Variants in PKHD1 observed in about 807,000 individuals in gnomAD.
The protein encoded by PKHD1 is fibrocystin.
In PKHD1, 291 loss-of-function variants were observed where a neutral mutation model predicts 412.0. That is an observed-to-expected ratio of 0.71 (90% CI 0.64 to 0.78). PKHD1 has a LOEUF of 0.78. Ranked by LOEUF, PKHD1 falls within the 30% of genes least tolerant of loss-of-function variation. The pLI is 0.00. For synonymous variants in PKHD1, 1,777 were observed against 1,821.5 expected (o/e 0.98, Z 0.62); for missense variants, 4,825 against 4,950.7 (o/e 0.97, Z 0.76).
chr6:52,060,458 A>G (rs1048498668), intron 14 of PKHD1, among the ~76,000 whole-genome samples: 9 of 152,188 alleles, frequency 5.9e-5, no homozygotes, highest in African/African-American at 2.2e-4. Context: ...CTACCTCAAC[A>G]CCTGCAGAGA....
chr6:51,954,182 C>T (rs143145153), intron 36 of PKHD1, among the ~76,000 whole-genome samples: 3 of 152,206 alleles, frequency 2.0e-5, no homozygotes, highest in African/African-American at 7.2e-5. Context: ...AGGCTGTGTG[C>T]TAATGGCTTT....
At chr6:51,620,343 T>C (rs1466575075) in intron 66 of PKHD1, among the ~76,000 whole-genome samples, 1 of 152,154 alleles carries the variant, frequency 6.6e-6, no homozygotes, top group Non-Finnish European at 1.5e-5. Flanking sequence ...CTAGGCACCA[T>C]ATAATACTGT....
intron 36 of PKHD1, among the ~76,000 whole-genome samples, chr6:51,954,842 C>T (rs780678184): frequency 6.6e-6 from 1 of 151,974 alleles, no homozygotes; most frequent in Non-Finnish European, 1.5e-5. Flanking sequence ...ATTATCGTTA[C>T]ACTACTTCAC....
At chr6:52,055,449 A>G in intron 19 of PKHD1, 138 bp downstream of exon 19, 1 of 906,424 alleles carries the variant, frequency 1.1e-6, no homozygotes. Context: ...CAGTCGAGAG[A>G]CCTAGAACCT....
intron 60 of PKHD1, among the ~76,000 whole-genome samples, chr6:51,660,914 T>G (rs2150424535): frequency 6.6e-6 from 1 of 152,174 alleles, no homozygotes; most frequent in Non-Finnish European, 1.5e-5. Flanking sequence ...CTCTCTCCCT[T>G]CCCCTGAAAT....
chr6:51,841,568 T>C (rs987209931), intron 50 of PKHD1, among the ~76,000 whole-genome samples: 2 of 152,348 alleles, frequency 1.3e-5, no homozygotes, highest in African/African-American at 2.4e-5. Context: ...CTCTACATAC[T>C]GGTAAAAATC....
At chr6:51,630,240 C>T (rs1038444670) in intron 65 of PKHD1, among the ~76,000 whole-genome samples, 17 of 152,256 alleles carry the variant, frequency 1.1e-4, no homozygotes, top group African/African-American at 4.1e-4. Flanking sequence ...CCACTATTAT[C>T]TGTAAAGGCT....
At chr6:51,731,699 G>A (rs548076955) in intron 60 of PKHD1, among the ~76,000 whole-genome samples, 140 of 152,148 alleles carry the variant, frequency 9.2e-4, no homozygotes, top group Non-Finnish European at 1.6e-3. Flanking sequence ...TCTACTACAT[G>A]GCTTAAAAAA....
At chr6:51,913,016 A>T (rs553088295) in intron 37 of PKHD1, among the ~76,000 whole-genome samples, 1 of 152,208 alleles carries the variant, frequency 6.6e-6, no homozygotes, top group South Asian at 2.1e-4. Flanking sequence ...TCTATGAAAC[A>T]TCTAGCTTGG....
At chr6:52,033,924 T>C (rs1803495305) in intron 28 of PKHD1, among the ~76,000 whole-genome samples, 1 of 151,952 alleles carries the variant, frequency 6.6e-6, no homozygotes. Flanking sequence ...AGATCAGGAA[T>C]TTGAGACCAA....
intron 60 of PKHD1, among the ~76,000 whole-genome samples, chr6:51,699,880 A>C (rs895334366): frequency 1.4e-5 from 2 of 145,880 alleles, no homozygotes; most frequent in African/African-American, 4.9e-5. Context: ...TGGGAATAGT[A>C]TTAAATAGAA....
In PKHD1 at chr6:52,025,936, T is replaced by A. The variant is rs1581812675; in HGVS notation, c.3874A>T (p.Thr1292Ser). ...PSPSLVGKGF[T>S]FMYEAAATPV... ...GTTGCTGCCGCTTCATACATGAAGG[T>A]GAAGCCTTTCCCCACCAAGCTTGGT... The change falls in exon 32 of 67, where the codon ACC (threonine) becomes TCC (serine). Residue 1292 changes from threonine (T) to serine (S), a missense_variant. Transcript: ENST00000371117. The A allele has an allele frequency of 6.2e-7, 1 of 1,614,134 alleles. No individual in the cohort carries two copies. Among genetic ancestry groups the A allele is most frequent in the Non-Finnish European group, 8.5e-7 (1 of 1,180,034 alleles).
rs1487901523 is a variant in PKHD1, at chr6:51,777,584, G to A, written c.8441-1663C>T. 2.0e-5 allele frequency among the ~76,000 whole-genome samples: 3 copies of A among 149,242 alleles called. No individual in the cohort carries two copies. In the Admixed American group the frequency reaches 2.0e-4, roughly 10 times the overall value. ...TGAAAATGTTTAGTAAATGTGTATGGCGTAGCTGTTATCTTGCCATTACAA... is the reference window on the plus strand; with the variant it reads ...TGAAAATGTTTAGTAAATGTGTATGACGTAGCTGTTATCTTGCCATTACAA... On this transcript the variant is annotated intron_variant, in intron 53 of 66. Transcript: ENST00000371117.
chr6:51,704,244 G>A (rs192003706), intron 60 of PKHD1, among the ~76,000 whole-genome samples: 2 of 152,106 alleles, frequency 1.3e-5, no homozygotes, highest in East Asian at 3.9e-4. Context: ...AGGTACAGAG[G>A]CCTCAAGCAA....
intron 35 of PKHD1, 75 bp downstream of exon 35, chr6:52,010,233 GT>G (rs1799630295): frequency 1.5e-6 from 2 of 1,332,122 alleles, no homozygotes; most frequent in African/African-American, 1.4e-5. Context: ...GGACTAAATT[GT>G]TTTTTTAATG....
At chr6:51,702,721 G>T (rs899298769) in intron 60 of PKHD1, among the ~76,000 whole-genome samples, 1 of 151,740 alleles carries the variant, frequency 6.6e-6, no homozygotes, top group African/African-American at 2.4e-5. Context: ...ACTATGAAAG[G>T]TACTTTAAAA....
intron 50 of PKHD1, among the ~76,000 whole-genome samples, chr6:51,844,615 G>A (rs1770837014): frequency 6.6e-6 from 1 of 152,126 alleles, no homozygotes; most frequent in Non-Finnish European, 1.5e-5. Context: ...TTGAAGATGA[G>A]TCAGGTATCT....
At position 52,029,286 on chromosome 6, in the gene PKHD1, T is replaced by A. The variant is rs147954310; in HGVS notation, c.3365-935A>T. ...TTTGTCTTGCATTTCAGTGTCCTTT[T>A]AGTTTAATTAGCAACTCTATTAAAA... On this transcript the variant is annotated intron_variant, in intron 29 of 66. Transcript: ENST00000371117. 3.2e-3 allele frequency among the ~76,000 whole-genome samples: 494 copies of A among 152,348 alleles called. 3 individuals carry two copies. Among genetic ancestry groups the A allele is most frequent in the African/African-American group, 0.011 (459 of 41,580 alleles).
chr6:52,045,227 G>A, intron 24 of PKHD1, 139 bp from the exon 25 acceptor site: 1 of 815,634 alleles, frequency 1.2e-6, no homozygotes, highest in East Asian at 2.7e-5. Context: ...ACAGAGAATT[G>A]AAATATAGAA....
Sources: allele counts gnomAD v4.1 joint callset (sites outside exome capture counted in the v4.1 genomes callset), GRCh38; gene constraint gnomAD v4.1.1; transcripts MANE v1.5; gene names NCBI Gene and HGNC (gene_info 2026-07-23, HGNC 2026-07-21).